The following LRRIQ1 variants were observed in gnomAD, a reference collection of about 807,000 sequenced individuals.
LRRIQ1 encodes leucine-rich repeat- and IQ domain-containing protein 1.
Under a neutral mutation model 211.9 loss-of-function variants are expected in LRRIQ1, and 210 were observed. The ratio of observed to expected loss-of-function variants is 0.99; its 90% CI spans 0.89 to 1.11. LRRIQ1 has a LOEUF of 1.11. Among genes scored for constraint, LRRIQ1 ranks in the 50% most tolerant of loss-of-function variants. LRRIQ1 has a pLI of 0.00. For synonymous variants in LRRIQ1, 699 were observed against 650.1 expected (o/e 1.08, Z -1.14); for missense variants, 2,136 against 1,939.5 (o/e 1.10, Z -1.90).
At chr12:85,242,180 A>G (rs1249941006) in intron 26 of LRRIQ1, among the ~76,000 whole-genome samples, 2 of 152,054 alleles carry the variant, frequency 1.3e-5, no homozygotes, top group African/African-American at 4.8e-5. Context: ...TATTATAACC[A>G]TAAAAAATAT....
At chr12:85,048,682 T>A (rs1228905359) in intron 6 of LRRIQ1, 1 of 152,202 alleles carries the variant, frequency 6.6e-6, no homozygotes, top group Non-Finnish European at 1.5e-5. Flanking sequence ...CCTTTAGTTA[T>A]GTTTTCTTTC....
At chr12:85,196,269 T>C (rs1892906778) in intron 24 of LRRIQ1, among the ~76,000 whole-genome samples, 1 of 152,020 alleles carries the variant, frequency 6.6e-6, no homozygotes, top group Non-Finnish European at 1.5e-5. Context: ...ATTTATAGAT[T>C]CAATGCCATC....
chr12:85,217,522 G>A (rs868376347), intron 24 of LRRIQ1, among the ~76,000 whole-genome samples: 2,102 of 98,630 alleles, frequency 0.021, 99 homozygotes, highest in African/African-American at 0.1. Context: ...GTGTGTGTGT[G>A]TGTGTGTGTG....
intron 24 of LRRIQ1, among the ~76,000 whole-genome samples, chr12:85,191,816 T>A (rs576055620): frequency 6.6e-6 from 1 of 152,046 alleles, no homozygotes; most frequent in South Asian, 2.1e-4. Context: ...TCCATTATAT[T>A]AAGTGGGGGG....
intron 11 of LRRIQ1, among the ~76,000 whole-genome samples, chr12:85,095,164 G>A (rs945217106): frequency 1.3e-5 from 2 of 152,124 alleles, no homozygotes; most frequent in African/African-American, 4.8e-5. Flanking sequence ...AATAGGAGTG[G>A]TGATAGTGGA....
chr12:85,055,619 A>G lies in LRRIQ1; in HGVS notation c.826A>G (p.Lys276Glu), dbSNP rs765572349. The G allele has an allele frequency of 6.4e-7, 1 of 1,573,854 alleles. No homozygotes were observed. Among genetic ancestry groups the G allele is most frequent in the Non-Finnish European group, 8.6e-7 (1 of 1,168,234 alleles). ...ATTTAAAGACCAACAAGAAAAAGAA[A>G]AAAATTCTTTGTTAAAACAGCAGAA... ...TRFKDQQEKE[K>E]NSLLKQQNNA... The change falls in exon 8 of 27, where the codon AAA (lysine) becomes GAA (glutamate). Residue 276 changes from lysine (K) to glutamate (E), a missense_variant. Physicochemically the swap from Lys to Glu is moderately conservative, Grantham distance 56. Coordinates refer to ENST00000393217, the MANE Select transcript of LRRIQ1 (RefSeq NM_001079910.2).
intron 11 of LRRIQ1, among the ~76,000 whole-genome samples, chr12:85,084,602 C>G (rs1170156166): frequency 6.6e-6 from 1 of 152,060 alleles, no homozygotes; most frequent in Non-Finnish European, 1.5e-5. Flanking sequence ...TTTTACACTA[C>G]TGAAACAGAA....
intron 18 of LRRIQ1, among the ~76,000 whole-genome samples, chr12:85,128,590 C>G (rs1888544638): frequency 6.6e-6 from 1 of 151,920 alleles, no homozygotes; most frequent in Admixed American, 6.6e-5. Flanking sequence ...TAGAGTGAGA[C>G]CTTGTCTCAA....
intron 11 of LRRIQ1, among the ~76,000 whole-genome samples, chr12:85,092,947 C>T (rs1885537965): frequency 2.0e-5 from 3 of 152,156 alleles, no homozygotes; most frequent in African/African-American, 2.4e-5. Context: ...ACATGTTCCT[C>T]TTTTGGCTAG....
At chr12:85,161,918 T>C (rs1890903495) in intron 24 of LRRIQ1, among the ~76,000 whole-genome samples, 1 of 151,914 alleles carries the variant, frequency 6.6e-6, no homozygotes, top group African/African-American at 2.4e-5. Context: ...TGGGCTCCTG[T>C]AGTCCCAGCT....
chr12:85,072,590 C>T lies in LRRIQ1; in HGVS notation c.2696-317C>T, dbSNP rs75041710. ...GTTTCTGTTTTGTGAATGTTACTGC[C>T]GTGCAATTTTATAAATGTCTTATCT... On this transcript the variant is annotated intron_variant, in intron 10 of 26. Transcript: ENST00000393217. Among the ~76,000 whole-genome samples the T allele has an allele frequency of 3.3e-4, 50 of 151,078 alleles. No individual in the cohort carries two copies. In the East Asian group the frequency reaches 8.6e-3, roughly 26 times the overall value.
At chr12:85,070,314 A>G (rs1250902939) in intron 10 of LRRIQ1, among the ~76,000 whole-genome samples, 1 of 151,972 alleles carries the variant, frequency 6.6e-6, no homozygotes, top group African/African-American at 2.4e-5. Context: ...GCTCGCCATC[A>G]ACCTTTCATC....
chr12:85,202,855 C>T (rs1893362661), intron 24 of LRRIQ1, among the ~76,000 whole-genome samples: 1 of 152,152 alleles, frequency 6.6e-6, no homozygotes, highest in Non-Finnish European at 1.5e-5. Context: ...CCAGACTTCT[C>T]TCTCTGGTGG....
At chr12:85,201,205 A>G (rs1291482064) in intron 24 of LRRIQ1, among the ~76,000 whole-genome samples, 1 of 145,670 alleles carries the variant, frequency 6.9e-6, no homozygotes, top group Non-Finnish European at 1.5e-5. Flanking sequence ...ATCGATGTTC[A>G]TCGAGGCTAT....
intron 24 of LRRIQ1, among the ~76,000 whole-genome samples, chr12:85,221,031 C>T (rs765606522): frequency 8.6e-5 from 13 of 151,784 alleles, no homozygotes; most frequent in East Asian, 1.9e-4. Flanking sequence ...AGGCTGGTCT[C>T]GAACTACTGA....
chr12:85,169,077 A>C (rs1194740226), intron 24 of LRRIQ1, among the ~76,000 whole-genome samples: 1 of 152,172 alleles, frequency 6.6e-6, no homozygotes, highest in Non-Finnish European at 1.5e-5. Context: ...TATCATTTGT[A>C]CAAGGCACTG....
chr12:85,189,259 GA>G (rs1892377060), intron 24 of LRRIQ1, among the ~76,000 whole-genome samples: 1 of 152,086 alleles, frequency 6.6e-6, no homozygotes, highest in African/African-American at 2.4e-5. Flanking sequence ...TCAGTATCAA[GA>G]GACAGATTGC....
chr12:85,191,959 G>T (rs1892533125), intron 24 of LRRIQ1, among the ~76,000 whole-genome samples: 1 of 151,750 alleles, frequency 6.6e-6, no homozygotes, highest in Non-Finnish European at 1.5e-5. Context: ...ATATTTTAAT[G>T]GGGTTGTTCG....
chr12:85,105,041 C>A (rs1328081347), intron 14 of LRRIQ1, among the ~76,000 whole-genome samples: 9 of 151,870 alleles, frequency 5.9e-5, no homozygotes, highest in Non-Finnish European at 1.5e-5. Flanking sequence ...GATTTTTGCA[C>A]CCTCTTTTGT....
Sources: gnomAD v4.1 joint callset for allele counts (sites outside exome capture counted in the v4.1 genomes callset) on GRCh38, gnomAD v4.1.1 for gene constraint, MANE v1.5 for transcripts, NCBI Gene and HGNC (gene_info 2026-07-23, HGNC 2026-07-21) for gene names.